Variants in TBC1D5 observed in about 807,000 individuals in gnomAD.
The protein encoded by TBC1D5 is TBC1 domain family, member 5.
Under a neutral mutation model 100.3 loss-of-function variants are expected in TBC1D5, and 75 were observed. The ratio of observed to expected loss-of-function variants is 0.75; its 90% confidence interval spans 0.62 to 0.91. TBC1D5 has a LOEUF of 0.91. TBC1D5 is among the 40% of genes least tolerant of loss of function. The probability of loss-of-function intolerance (pLI) is 0.00; values close to 1 mark genes in which losing one functional copy is unlikely to be tolerated. For missense variants in TBC1D5, 910 were observed against 942.4 expected (o/e 0.97, Z 0.45); for synonymous variants, 323 against 325.6 (o/e 0.99, Z 0.09).
chr3:17,590,853 G>A lies in TBC1D5; in HGVS notation c.-36+32996C>T, dbSNP rs56275847. ...AATTAATCATGGTGTTCCTAGAAGC[G>A]AAAGTGATAGGAAGCCTACTGCATT... is the stretch of plus-strand genomic sequence containing the variant. On this transcript the variant is annotated intron_variant, in intron 2 of 21. Transcript: ENST00000253692. 3.1e-3 allele frequency among the ~76,000 whole-genome samples: 468 copies of A among 152,134 alleles called. 2 individuals are homozygous for A. The highest frequency in any genetic ancestry group is 0.011 in the African/African-American group (448 of 41,512).
At chr3:17,642,087 A>T (rs1221939213) in intron 1 of TBC1D5, among the ~76,000 whole-genome samples, 1 of 152,150 alleles carries the variant, frequency 6.6e-6, no homozygotes, top group South Asian at 2.1e-4. Context: ...ATCCTATAAA[A>T]CTACATCAAT....
intron 1 of TBC1D5, among the ~76,000 whole-genome samples, chr3:17,704,322 T>C (rs1466103663): frequency 6.6e-5 from 10 of 151,408 alleles, no homozygotes; most frequent in Non-Finnish European, 1.3e-4. Context: ...TGTCTACTTC[T>C]TTCTACACAG....
At chr3:17,422,825 A>G (rs2094245349) in intron 4 of TBC1D5, among the ~76,000 whole-genome samples, 1 of 152,146 alleles carries the variant, frequency 6.6e-6, no homozygotes, top group African/African-American at 2.4e-5. Flanking sequence ...AAATTTATTG[A>G]TTATTGATTA....
chr3:17,384,936 C>G (rs1002348088), intron 8 of TBC1D5, among the ~76,000 whole-genome samples: 4 of 151,928 alleles, frequency 2.6e-5, no homozygotes, highest in African/African-American at 9.7e-5. Context: ...ATAAAGAAAA[C>G]AGTATTTTAA....
intron 1 of TBC1D5, among the ~76,000 whole-genome samples, chr3:17,634,802 A>G (rs2063773689): frequency 6.6e-6 from 1 of 152,184 alleles, no homozygotes. Context: ...TGTGATTATT[A>G]CACATTCCAT....
At chr3:17,276,371 A>T (rs2080014485) in intron 15 of TBC1D5, among the ~76,000 whole-genome samples, 1 of 152,204 alleles carries the variant, frequency 6.6e-6, no homozygotes, top group Non-Finnish European at 1.5e-5. Flanking sequence ...TGGGAAACAC[A>T]AACACCTAGA....
chr3:17,648,484 T>C (rs2065218085), intron 1 of TBC1D5, among the ~76,000 whole-genome samples: 1 of 152,162 alleles, frequency 6.6e-6, no homozygotes, highest in Admixed American at 6.5e-5. Flanking sequence ...AAGTGGGATC[T>C]TATTAAACTT....
At chr3:17,718,257 C>A (rs1256998410) in intron 1 of TBC1D5, among the ~76,000 whole-genome samples, 13 of 152,140 alleles carry the variant, frequency 8.5e-5, no homozygotes, top group Non-Finnish European at 1.8e-4. Context: ...TATGAATGGA[C>A]CTGTTTTTAT....
At chr3:17,600,103 G>A (rs2060831060) in intron 2 of TBC1D5, among the ~76,000 whole-genome samples, 1 of 152,210 alleles carries the variant, frequency 6.6e-6, no homozygotes, top group Non-Finnish European at 1.5e-5. Flanking sequence ...GGTATTTTGA[G>A]ATTTTGAGAA....
chr3:17,325,323 C>CTTT (rs35423622), intron 13 of TBC1D5, among the ~76,000 whole-genome samples: 13 of 124,064 alleles, frequency 1.0e-4, no homozygotes, highest in African/African-American at 3.6e-4. Flanking sequence ...ATGGATGAAT[C>CTTT]TTTTTTTTTT....
At chr3:17,410,210 A>G (rs569676523) in intron 4 of TBC1D5, among the ~76,000 whole-genome samples, 106 of 152,298 alleles carry the variant, frequency 7.0e-4, no homozygotes, top group African/African-American at 2.3e-3. Context: ...TATAAATGGA[A>G]TAACAAAGCC....
chr3:17,475,984 T>C, intron 3 of TBC1D5, among the ~76,000 whole-genome samples: 1 of 152,144 alleles, frequency 6.6e-6, no homozygotes, highest in East Asian at 1.9e-4. Context: ...TTTATTTAAA[T>C]TCTTCATACA....
At chr3:17,706,775 G>A (rs1363515910) in intron 1 of TBC1D5, among the ~76,000 whole-genome samples, 2 of 151,226 alleles carry the variant, frequency 1.3e-5, no homozygotes, top group Admixed American at 6.6e-5. Context: ...AATTATCTTT[G>A]TTTTATAATT....
At chr3:17,602,731 C>T (rs1445616921) in intron 2 of TBC1D5, among the ~76,000 whole-genome samples, 1 of 151,824 alleles carries the variant, frequency 6.6e-6, no homozygotes. Context: ...CGCCACCACA[C>T]CCAGCTAATT....
At chr3:17,490,276 T>C (rs910629806) in intron 3 of TBC1D5, among the ~76,000 whole-genome samples, 4 of 152,212 alleles carry the variant, frequency 2.6e-5, no homozygotes, top group Non-Finnish European at 5.9e-5. Flanking sequence ...GCAAAAATTT[T>C]CTCCCATACT....
At chr3:17,608,998 A>G (rs868403834) in intron 2 of TBC1D5, among the ~76,000 whole-genome samples, 12 of 152,266 alleles carry the variant, frequency 7.9e-5, no homozygotes, top group Middle Eastern at 3.4e-3. Flanking sequence ...TTGTTTAACC[A>G]CTATTTTGCT....
intron 1 of TBC1D5, chr3:17,646,985 G>A (rs995653402): frequency 2.0e-5 from 3 of 151,938 alleles, no homozygotes; most frequent in Admixed American, 6.6e-5. Context: ...CCAATTTTAA[G>A]TAGAACATGC....
At chr3:17,255,488 C>T (rs753472471) in intron 16 of TBC1D5, among the ~76,000 whole-genome samples, 1 of 152,140 alleles carries the variant, frequency 6.6e-6, no homozygotes, top group East Asian at 1.9e-4. Flanking sequence ...GTGTGAGCCA[C>T]CGCACCCGGC....
chr3:17,730,672 T>C (rs2076481342), intron 1 of TBC1D5, among the ~76,000 whole-genome samples: 1 of 152,168 alleles, frequency 6.6e-6, no homozygotes, highest in African/African-American at 2.4e-5. Flanking sequence ...TAAATAAATA[T>C]TACTGTTGTT....
Sources: gnomAD v4.1 joint callset for allele counts (sites outside exome capture counted in the v4.1 genomes callset) on GRCh38, gnomAD v4.1.1 for gene constraint, MANE v1.5 for transcripts, NCBI Gene and HGNC (gene_info 2026-07-23, HGNC 2026-07-21) for gene names.